Variants in IQCM observed in about 807,000 individuals in gnomAD.
The protein encoded by IQCM is IQ motif containing M, also known as IQ domain-containing protein M.
Under a neutral mutation model 57.6 loss-of-function variants are expected in IQCM, and 45 were observed. That is an observed-to-expected ratio of 0.78 (90% CI 0.62 to 1.00). The LOEUF (loss-of-function observed/expected upper bound fraction) is 1.00, where lower values mean the gene tolerates loss of function less well. Among genes scored for constraint, IQCM ranks in the 50% least tolerant of loss-of-function variants. IQCM has a pLI of 0.00. For synonymous variants in IQCM, 148 were observed against 158.9 expected, an observed-to-expected ratio of 0.93 and a Z score of 0.51; for missense variants, 468 against 511.6, an observed-to-expected ratio of 0.91 and a Z score of 0.82.
rs555072534 is a variant in IQCM, at chr4:149,573,773, A to G, written c.750-9883T>C. Among the ~76,000 whole-genome samples the G allele has an allele frequency of 4.7e-4, 71 of 151,728 alleles. No homozygotes were observed. In the South Asian group the frequency reaches 0.015, roughly 31 times the overall value. On this transcript the variant is annotated intron_variant, in intron 9 of 13. Transcript: ENST00000636793. Reference sequence around the variant, plus strand: ...CAACCTAGTGAGACCCTGGCTCAAAAAAAAAAAAAATTAAAATTAAAAAAA... The same window carrying G: ...CAACCTAGTGAGACCCTGGCTCAAAGAAAAAAAAAATTAAAATTAAAAAAA...
chr4:149,649,449 C>T (rs1009202480), intron 7 of IQCM, among the ~76,000 whole-genome samples: 1 of 152,124 alleles, frequency 6.6e-6, no homozygotes, highest in Admixed American at 6.6e-5. Flanking sequence ...ACTTCCTATT[C>T]TGGATATAGT....
intron 2 of IQCM, among the ~76,000 whole-genome samples, chr4:149,789,559 T>A (rs933703757): frequency 6.6e-6 from 1 of 152,182 alleles, no homozygotes; most frequent in Admixed American, 6.5e-5. Context: ...GTGGCTCATG[T>A]CTGTCATCCA....
At chr4:149,557,183 C>A (rs1315642979) in intron 10 of IQCM, among the ~76,000 whole-genome samples, 1 of 152,088 alleles carries the variant, frequency 6.6e-6, no homozygotes, top group African/African-American at 2.4e-5. Flanking sequence ...GGAGTATTAT[C>A]TAGCCTTGGC....
intron 13 of IQCM, among the ~76,000 whole-genome samples, chr4:149,389,602 G>A (rs1282515078): frequency 2.7e-5 from 4 of 150,654 alleles, no homozygotes; most frequent in South Asian, 2.1e-4. Flanking sequence ...GTAAACTATC[G>A]CAAGAACAAA....
chr4:149,695,821 C>T lies in IQCM; in HGVS notation c.386-9353G>A, dbSNP rs546756089. 2.0e-5 allele frequency among the ~76,000 whole-genome samples: 3 copies of T among 152,156 alleles called. No individual in the cohort carries two copies. In the South Asian group the frequency reaches 6.2e-4, roughly 32 times the overall value. On this transcript the variant is annotated intron_variant, in intron 5 of 13. Coordinates refer to ENST00000636793, the MANE Select transcript of IQCM (RefSeq NM_001363507.2). Reference sequence around the variant, plus strand: ...ATTTTGGGTGGCTATTAATAAGTTTCCAGTGAGTTCGCCATGAAGACCTTT... The same window carrying T: ...ATTTTGGGTGGCTATTAATAAGTTTTCAGTGAGTTCGCCATGAAGACCTTT...
At chr4:149,546,479 C>A (rs192153264) in intron 12 of IQCM, among the ~76,000 whole-genome samples, 15 of 152,308 alleles carry the variant, frequency 9.8e-5, no homozygotes, top group African/African-American at 3.1e-4. Flanking sequence ...TCTCCAGCAC[C>A]TGCTGTTTCC....
intron 8 of IQCM, among the ~76,000 whole-genome samples, chr4:149,610,540 A>G (rs1755189391): frequency 6.6e-6 from 1 of 152,080 alleles, no homozygotes; most frequent in South Asian, 2.1e-4. Context: ...CCAGTGGAAC[A>G]GAACAGAGAA....
At chr4:149,589,436 A>G (rs1752923076) in intron 8 of IQCM, among the ~76,000 whole-genome samples, 1 of 152,050 alleles carries the variant, frequency 6.6e-6, no homozygotes, top group South Asian at 2.1e-4. Flanking sequence ...TAAAGAGCCA[A>G]TGTAAAGATG....
chr4:149,475,934 A>G (rs191424981), intron 12 of IQCM, among the ~76,000 whole-genome samples: 2 of 152,234 alleles, frequency 1.3e-5, no homozygotes, highest in Admixed American at 6.5e-5. Flanking sequence ...GATGTGAGGA[A>G]TTGAAGACAA....
intron 2 of IQCM, among the ~76,000 whole-genome samples, chr4:149,775,243 C>T (rs541065047): frequency 1.3e-5 from 2 of 151,970 alleles, no homozygotes; most frequent in Middle Eastern, 3.4e-3. Context: ...AAATAAGTGT[C>T]GGATTGAATG....
At chr4:149,625,470 G>A (rs921067681) in intron 7 of IQCM, among the ~76,000 whole-genome samples, 1 of 152,166 alleles carries the variant, frequency 6.6e-6, no homozygotes, top group African/African-American at 2.4e-5. Flanking sequence ...TCAAAGTTTT[G>A]TGTAACATAG....
chr4:149,590,839 T>A (rs1333339610), intron 8 of IQCM, among the ~76,000 whole-genome samples: 1 of 152,110 alleles, frequency 6.6e-6, no homozygotes, highest in Non-Finnish European at 1.5e-5. Context: ...ATTTTCTTTA[T>A]CCAGTATATT....
chr4:149,408,334 T>C (rs973613278), intron 13 of IQCM, among the ~76,000 whole-genome samples: 4 of 152,202 alleles, frequency 2.6e-5, no homozygotes, highest in African/African-American at 7.2e-5. Flanking sequence ...ATAAAATAAT[T>C]GACGAAGCAT....
At chr4:149,377,159 T>C (rs1730756350) in intron 13 of IQCM, among the ~76,000 whole-genome samples, 1 of 152,168 alleles carries the variant, frequency 6.6e-6, no homozygotes, top group Non-Finnish European at 1.5e-5. Flanking sequence ...AAAGTATATT[T>C]TTAATATATT....
intron 8 of IQCM, among the ~76,000 whole-genome samples, chr4:149,618,828 C>T (rs185058405): frequency 3.3e-5 from 5 of 152,034 alleles, no homozygotes; most frequent in Non-Finnish European, 5.9e-5. Context: ...TGTCAAAAAA[C>T]AGTAAATGTT....
At chr4:149,684,234 T>C (rs573930798) in intron 6 of IQCM, among the ~76,000 whole-genome samples, 2 of 151,432 alleles carry the variant, frequency 1.3e-5, no homozygotes, top group African/African-American at 4.8e-5. Context: ...TAAACTTATA[T>C]TGAAATTGTA....
At chr4:149,564,134 G>A (rs879918975) in intron 9 of IQCM, among the ~76,000 whole-genome samples, 5 of 152,108 alleles carry the variant, frequency 3.3e-5, no homozygotes, top group Admixed American at 1.3e-4. Flanking sequence ...AAAAGAAAGT[G>A]AATATGTCAG....
At chr4:149,672,660 C>G (rs1334839946) in intron 7 of IQCM, among the ~76,000 whole-genome samples, 1 of 152,160 alleles carries the variant, frequency 6.6e-6, no homozygotes, top group East Asian at 1.9e-4. Context: ...ATTGATGTAC[C>G]TGAAAGTGAC....
chr4:149,399,297 T>C (rs1375390885), intron 13 of IQCM, among the ~76,000 whole-genome samples: 2 of 151,908 alleles, frequency 1.3e-5, no homozygotes, highest in African/African-American at 4.8e-5. Context: ...AGGTTTTGGT[T>C]CCCACTGGAA....
Sources: gnomAD v4.1 joint callset for allele counts (sites outside exome capture counted in the v4.1 genomes callset) on GRCh38, gnomAD v4.1.1 for gene constraint, MANE v1.5 for transcripts, NCBI Gene and HGNC (gene_info 2026-07-23, HGNC 2026-07-21) for gene names.